FAM167A: variants seen among roughly 807,000 people sequenced by gnomAD.
FAM167A encodes the protein family with sequence similarity 167 member A, also known as protein FAM167A.
In FAM167A, 23 loss-of-function variants were observed where a neutral mutation model predicts 14.9. That is an observed-to-expected ratio of 1.55 (90% CI 1.11 to 2.19). FAM167A has a LOEUF of 2.19. FAM167A is among the 30% of genes most tolerant of loss of function. FAM167A has a pLI of 0.00. For synonymous variants in FAM167A, 174 were observed against 117.7 expected (o/e 1.48, Z -3.10); for missense variants, 401 against 281.5 (o/e 1.42, Z -3.04).
chr8:11,441,463 A>G (rs1806431937), intron 2 of FAM167A, among the ~76,000 whole-genome samples: 1 of 152,220 alleles, frequency 6.6e-6, no homozygotes, highest in Non-Finnish European at 1.5e-5. Context: ...ACCTGCATGC[A>G]CATTAGAGTT....
At position 11,450,735 on chromosome 8, in the gene FAM167A, C is replaced by A. The variant is rs145607784; in HGVS notation, c.-397-5927G>T. The stretch of plus-strand genomic sequence containing the variant: ...AAAACAGATTTCCTCCCACTCACAG[C>A]GACCTGTCCTTGCTCAAATCTGAGC... On this transcript the variant is annotated intron_variant, in intron 1 of 2. Coordinates refer to ENST00000284486, the MANE Select transcript of FAM167A (RefSeq NM_053279.3). Among the ~76,000 whole-genome samples, 386 of 152,322 alleles carry A rather than the reference C, an allele frequency of 2.5e-3. 1 individual carries two copies. The highest frequency in any genetic ancestry group is 4.6e-3 in the Admixed American group (70 of 15,304).
At chr8:11,429,596 C>T (rs1463766915) in intron 2 of FAM167A, among the ~76,000 whole-genome samples, 1 of 152,226 alleles carries the variant, frequency 6.6e-6, no homozygotes, top group Non-Finnish European at 1.5e-5. Context: ...GAAACTGTCT[C>T]AGAGAAGTAA....
At chr8:11,450,683 T>C (rs1419845398) in intron 1 of FAM167A, among the ~76,000 whole-genome samples, 6 of 152,236 alleles carry the variant, frequency 3.9e-5, no homozygotes, top group Non-Finnish European at 7.3e-5. Flanking sequence ...CTGCTCTCTT[T>C]AAATGCTGTG....
At chr8:11,438,639 GATC>G (rs1806217634) in intron 2 of FAM167A, 2 of 404,748 alleles carry the variant, frequency 4.9e-6, no homozygotes, top group Admixed American at 3.2e-5. Context: ...CAGAAATAAA[GATC>G]ATCAAGTTTT....
chr8:11,443,969 A>G, intron 2 of FAM167A, 62 bp downstream of exon 2: 1 of 1,546,402 alleles, frequency 6.5e-7, no homozygotes, highest in South Asian at 1.2e-5. Context: ...AGAGACAGAA[A>G]AAGACACAGA....
At chr8:11,447,542 G>C (rs1453055587) in intron 1 of FAM167A, among the ~76,000 whole-genome samples, 1 of 152,214 alleles carries the variant, frequency 6.6e-6, no homozygotes, top group African/African-American at 2.4e-5. Context: ...AAAACACAGT[G>C]TGCACATCTG....
chr8:11,422,373 G>GGGGGGGTGTGTGT lies in FAM167A; in HGVS notation c.*1999_*2000insACACACACCCCCC, dbSNP rs878997464. 8.3e-6 allele frequency: 1 copy of GGGGGGGTGTGTGT among 120,196 alleles called. No homozygotes were observed. The highest frequency in any genetic ancestry group is 1.8e-5 in the Non-Finnish European group (1 of 55,330). 7.4% of individuals were successfully genotyped at this position (120,196 alleles called of 1,614,324 possible). ...TCTCTGTCGTGTGTGTGTGTGTGGG[G>GGGGGGGTGTGTGT]GTGTGTGTGTGTGTGTGTGTGTGTG... On this transcript the variant is annotated 3_prime_UTR_variant, in exon 3 of 3. Transcript: ENST00000284486.
At chr8:11,456,139 GTGT>G (rs2117130464) in intron 1 of FAM167A, among the ~76,000 whole-genome samples, 1 of 60,860 alleles carries the variant, frequency 1.6e-5, no homozygotes, top group Non-Finnish European at 3.8e-5. Flanking sequence ...GCCTTGCTGT[GTGT>G]GTGTGTGAAT....
rs560131039 is a variant in FAM167A, at chr8:11,460,213, C to T, written c.-398+6413G>A. 5.9e-5 allele frequency among the ~76,000 whole-genome samples: 9 copies of T among 152,344 alleles called. No individual in the cohort carries two copies. In the East Asian group the frequency reaches 9.6e-4, roughly 16 times the overall value. ...GCACCCGTAGATTGCCCTAACACTC[C>T]GGCTTTAGGCAGCCCTCGGTGCCTC... On this transcript the variant is annotated intron_variant, in intron 1 of 2. Coordinates refer to ENST00000284486, the MANE Select transcript of FAM167A (RefSeq NM_053279.3).
At chr8:11,475,474 T>A (rs1366919696) in intron 1 of FAM167A, among the ~76,000 whole-genome samples, 1 of 151,986 alleles carries the variant, frequency 6.6e-6, no homozygotes, top group Non-Finnish European at 1.5e-5. Context: ...GCTTCTAGGA[T>A]CTCAGAGTCT....
intron 1 of FAM167A, among the ~76,000 whole-genome samples, chr8:11,465,877 G>C (rs1031172345): frequency 1.3e-5 from 2 of 152,178 alleles, no homozygotes; most frequent in African/African-American, 4.8e-5. Context: ...CCCCAACCTA[G>C]AGTCAACCCT....
intron 1 of FAM167A, among the ~76,000 whole-genome samples, chr8:11,473,709 A>T (rs951980961): frequency 6.6e-6 from 1 of 152,048 alleles, no homozygotes; most frequent in Non-Finnish European, 1.5e-5. Context: ...TAGTCTCTTG[A>T]GCTTCAGTTT....
At chr8:11,431,688 G>C (rs1246556419) in intron 2 of FAM167A, among the ~76,000 whole-genome samples, 1 of 151,996 alleles carries the variant, frequency 6.6e-6, no homozygotes, top group Non-Finnish European at 1.5e-5. Flanking sequence ...TGGCCGGTCA[G>C]CCTGCCTGCA....
upstream of FAM167A, among the ~76,000 whole-genome samples, chr8:11,472,333 C>T (rs1017836164): frequency 6.6e-6 from 1 of 151,956 alleles, no homozygotes; most frequent in African/African-American, 2.4e-5. Context: ...CTAGAATATG[C>T]TGTGGAATGC....
At chr8:11,438,720 C>G in intron 2 of FAM167A, 1 of 364,968 alleles carries the variant, frequency 2.7e-6, no homozygotes, top group South Asian at 2.1e-5. Context: ...CCGTATCTGC[C>G]CAGATGAATA....
chr8:11,462,886 C>T (rs997921957), intron 1 of FAM167A, among the ~76,000 whole-genome samples: 2 of 152,144 alleles, frequency 1.3e-5, no homozygotes, highest in East Asian at 1.9e-4. Flanking sequence ...ATTAGAAATG[C>T]GTTCTCATTG....
intron 2 of FAM167A, among the ~76,000 whole-genome samples, chr8:11,433,716 C>G (rs996484982): frequency 4.6e-5 from 7 of 152,298 alleles, no homozygotes; most frequent in Admixed American, 1.3e-4. Context: ...CTTATCTCTC[C>G]TATCCCAGCC....
At chr8:11,437,556 G>A (rs539137147) in intron 2 of FAM167A, among the ~76,000 whole-genome samples, 19 of 152,208 alleles carry the variant, frequency 1.2e-4, no homozygotes, top group Non-Finnish European at 2.4e-4. Context: ...CACATATTAT[G>A]CTTTTTCCAG....
intron 2 of FAM167A, among the ~76,000 whole-genome samples, chr8:11,433,216 A>AAT (rs1805740684): frequency 6.6e-6 from 1 of 152,088 alleles, no homozygotes; most frequent in African/African-American, 2.4e-5. Flanking sequence ...AAAAAAAATA[A>AAT]AAAATAAAAA....
Sources: allele counts gnomAD v4.1 joint callset (sites outside exome capture counted in the v4.1 genomes callset), GRCh38; gene constraint gnomAD v4.1.1; transcripts MANE v1.5; gene names NCBI Gene and HGNC (gene_info 2026-07-23, HGNC 2026-07-21).